IL1RAPL2: variants seen among roughly 807,000 people sequenced by gnomAD.
IL1RAPL2 encodes the protein interleukin 1 receptor accessory protein like 2.
In IL1RAPL2, 3 loss-of-function variants were observed where a neutral mutation model predicts 44.1. That is an observed-to-expected ratio of 0.07 (90% CI 0.03 to 0.18). The LOEUF is 0.18. Among genes scored for constraint, IL1RAPL2 ranks in the 10% least tolerant of loss-of-function variants. The pLI is 1.00. For synonymous variants in IL1RAPL2, 181 were observed against 178.8 expected (o/e 1.01, Z -0.10); for missense variants, 391 against 496.4 (o/e 0.79, Z 2.02).
intron 7 of IL1RAPL2, among the ~76,000 whole-genome samples, chrX:105,737,839 C>T (rs955762711): frequency 4.5e-5 from 5 of 111,292 alleles, no homozygotes; most frequent in Non-Finnish European, 9.4e-5. Context: ...GTAGTAAATT[C>T]CCAATTTTGT....
chrX:104,887,585 T>A (rs371505716), intron 2 of IL1RAPL2, among the ~76,000 whole-genome samples: 4 of 111,556 alleles, frequency 3.6e-5, no homozygotes, highest in African/African-American at 1.3e-4. Context: ...TTTATGGCTA[T>A]CAGACACCAC....
intron 2 of IL1RAPL2, among the ~76,000 whole-genome samples, chrX:104,668,438 T>C (rs1420398267): frequency 3.8e-5 from 4 of 105,238 alleles, no homozygotes; most frequent in Admixed American, 1.0e-4. Flanking sequence ...AACTCGTCAT[T>C]TAGCATTAGG....
chrX:105,549,593 C>G (rs1013919272), intron 6 of IL1RAPL2, among the ~76,000 whole-genome samples: 2 of 111,564 alleles, frequency 1.8e-5, no homozygotes, highest in African/African-American at 6.5e-5. Context: ...AGAGGCCCAT[C>G]CATCTGAGTC....
At chrX:104,850,678 T>C (rs1922201217) in intron 2 of IL1RAPL2, among the ~76,000 whole-genome samples, 1 of 111,882 alleles carries the variant, frequency 8.9e-6, no homozygotes, top group African/African-American at 3.2e-5. Context: ...TGTAGTATCA[T>C]TAATTTGAAA....
chrX:104,651,521 G>T (rs1930152696), intron 1 of IL1RAPL2, among the ~76,000 whole-genome samples: 1 of 111,354 alleles, frequency 9.0e-6, no homozygotes, highest in African/African-American at 3.3e-5. Context: ...AATGATATTT[G>T]ATTTTAGCAA....
chrX:105,338,349 C>CT (rs2035044964), intron 5 of IL1RAPL2, among the ~76,000 whole-genome samples: 1 of 112,088 alleles, frequency 8.9e-6, no homozygotes. Flanking sequence ...CCATGCCTTA[C>CT]TTTTTTTATT....
chrX:104,751,198 G>T (rs747548881), intron 2 of IL1RAPL2, among the ~76,000 whole-genome samples: 3 of 111,451 alleles, frequency 2.7e-5, no homozygotes, highest in African/African-American at 6.5e-5. Context: ...GGTGAAATTT[G>T]CATGTATATC....
Position 105,710,359 on chromosome X carries a change from CTTT to C in IL1RAPL2, c.773-6990_773-6988del, listed in dbSNP as rs61023852. Among the ~76,000 whole-genome samples, 29 of 65,841 alleles carry C rather than the reference CTTT, an allele frequency of 4.4e-4. 1 individual carries two copies. The highest frequency in any genetic ancestry group is 1.8e-3 in the African/African-American group (29 of 16,427). The allele number at this position is 65,841 out of a possible 115,157, so 57.2% of individuals were successfully genotyped here. ...ACTGTTGTCTGGGTAGAAAATCCTACTTTTTTTTTTTTTTTTTTTTCGGTTTCC... is the reference window on the plus strand; with the variant it reads ...ACTGTTGTCTGGGTAGAAAATCCTACTTTTTTTTTTTTTTTTTCGGTTTCC... On this transcript the variant is annotated intron_variant, in intron 6 of 10. Coordinates refer to ENST00000372582, the MANE Select transcript of IL1RAPL2 (RefSeq NM_017416.2).
intron 1 of IL1RAPL2, among the ~76,000 whole-genome samples, chrX:104,568,627 C>T (rs1258304608): frequency 1.8e-5 from 2 of 111,797 alleles, no homozygotes; most frequent in Non-Finnish European, 3.8e-5. Context: ...GGGCTCTTTG[C>T]CAGCAGGGTC....
intron 1 of IL1RAPL2, among the ~76,000 whole-genome samples, chrX:104,642,954 C>T (rs1405657557): frequency 9.8e-5 from 11 of 112,164 alleles, no homozygotes; most frequent in Non-Finnish European, 1.1e-4. Flanking sequence ...GTTAGAATAA[C>T]ATCCGTGTAC....
At chrX:105,298,127 TTTG>T (rs1488409205) in intron 5 of IL1RAPL2, among the ~76,000 whole-genome samples, 2 of 111,459 alleles carry the variant, frequency 1.8e-5, no homozygotes, top group African/African-American at 6.5e-5. Flanking sequence ...CTTATCATTT[TTTG>T]TTATGAGAAC....
rs1054577953 is a variant in IL1RAPL2, at chrX:104,852,717, C to G, written c.82+193722C>G. Among the ~76,000 whole-genome samples, 16 of 111,920 alleles carry G rather than the reference C, an allele frequency of 1.4e-4. 1 individual carries two copies. Among genetic ancestry groups the G allele is most frequent in the Admixed American group, 1.9e-4 (2 of 10,523 alleles). On this transcript the variant is annotated intron_variant, in intron 2 of 10. Transcript: ENST00000372582. ...GGACATGGCATCAGGAGAAGCATAG[C>G]CTGATCCCGTGGGGGCCATTAAAAC...
chrX:105,275,151 C>T (rs1032332177), intron 5 of IL1RAPL2, among the ~76,000 whole-genome samples: 8 of 109,749 alleles, frequency 7.3e-5, no homozygotes, highest in Non-Finnish European at 3.8e-5. Flanking sequence ...GTGGAGGTTA[C>T]AGGGAACTGA....
intron 3 of IL1RAPL2, among the ~76,000 whole-genome samples, chrX:105,227,912 G>A (rs1197139898): frequency 3.6e-5 from 4 of 111,755 alleles, no homozygotes; most frequent in Non-Finnish European, 7.5e-5. Context: ...CAGTTCAGCT[G>A]TAATAAATAC....
intron 2 of IL1RAPL2, among the ~76,000 whole-genome samples, chrX:104,819,654 C>T (rs1439467044): frequency 8.9e-6 from 1 of 112,022 alleles, no homozygotes; most frequent in Non-Finnish European, 1.9e-5. Flanking sequence ...GTAGCCAACA[C>T]TCTCCTAGTA....
At chrX:104,864,321 T>C (rs1289443976) in intron 2 of IL1RAPL2, among the ~76,000 whole-genome samples, 3 of 112,465 alleles carry the variant, frequency 2.7e-5, no homozygotes, top group African/African-American at 9.7e-5. Flanking sequence ...TCACATTCAT[T>C]GTTTCTGAGC....
chrX:105,075,393 C>A (rs1406715382), intron 2 of IL1RAPL2, among the ~76,000 whole-genome samples: 2 of 111,119 alleles, frequency 1.8e-5, no homozygotes, highest in Non-Finnish European at 3.8e-5. Context: ...GGATGAAGCC[C>A]ACTTGATCAT....
At chrX:105,398,063 C>A (rs2035577396) in intron 5 of IL1RAPL2, among the ~76,000 whole-genome samples, 1 of 111,503 alleles carries the variant, frequency 9.0e-6, no homozygotes, top group African/African-American at 3.3e-5. Context: ...TCCTGTTTGC[C>A]TTCCCATGGA....
intron 2 of IL1RAPL2, among the ~76,000 whole-genome samples, chrX:105,191,729 A>AATC (rs2033634705): frequency 8.9e-6 from 1 of 112,356 alleles, no homozygotes; most frequent in African/African-American, 3.2e-5. Context: ...GAATATTTAT[A>AATC]ATCATACTCA....
Sources: allele counts gnomAD v4.1 joint callset (sites outside exome capture counted in the v4.1 genomes callset), GRCh38; gene constraint gnomAD v4.1.1; transcripts MANE v1.5; gene names NCBI Gene and HGNC (gene_info 2026-07-23, HGNC 2026-07-21).